DTNA: variants seen among roughly 807,000 people sequenced by gnomAD.
DTNA encodes dystrobrevin alpha.
DTNA carries 43 observed loss-of-function variants against 100.7 expected under a neutral mutation model. The observed-to-expected ratio is 0.43, with a 90% CI of 0.33 to 0.55. The LOEUF is 0.55. Ranked by LOEUF, DTNA falls within the 20% of genes least tolerant of loss-of-function variation. The pLI, the probability that DTNA is intolerant of heterozygous loss-of-function variation, is 0.04. For missense variants in DTNA, 798 were observed against 953.9 expected, an observed-to-expected ratio of 0.84 and a Z score of 2.15; for synonymous variants, 349 against 347.9, an observed-to-expected ratio of 1.00 and a Z score of -0.04.
chr18:34,667,364 C>T (rs1293203135), intron 1 of DTNA, among the ~76,000 whole-genome samples: 13 of 152,210 alleles, frequency 8.5e-5, no homozygotes, highest in East Asian at 5.8e-4. Flanking sequence ...TCATGTCATC[C>T]GCAAACAGCG....
At chr18:34,556,163 G>A (rs533558019) in intron 1 of DTNA, among the ~76,000 whole-genome samples, 2 of 151,588 alleles carry the variant, frequency 1.3e-5, no homozygotes, top group East Asian at 3.9e-4. Flanking sequence ...TTGGTTTAAG[G>A]TCTGTTTTAT....
chr18:34,887,024 A>C (rs745393192), intron 22 of DTNA, among the ~76,000 whole-genome samples: 1 of 152,226 alleles, frequency 6.6e-6, no homozygotes, highest in African/African-American at 2.4e-5. Flanking sequence ...CTGAAGCCAG[A>C]TTCATCAGCT....
At chr18:34,577,877 T>A (rs2048260194) in intron 1 of DTNA, among the ~76,000 whole-genome samples, 1 of 152,160 alleles carries the variant, frequency 6.6e-6, no homozygotes, top group African/African-American at 2.4e-5. Context: ...GCATTTGGAT[T>A]GGTTCCACAT....
At chr18:34,690,365 T>C (rs1228573397) in intron 1 of DTNA, among the ~76,000 whole-genome samples, 1 of 152,174 alleles carries the variant, frequency 6.6e-6, no homozygotes, top group African/African-American at 2.4e-5. Flanking sequence ...AAGTTCCTCA[T>C]GGCTTCCCTT....
intron 1 of DTNA, among the ~76,000 whole-genome samples, chr18:34,561,777 A>G (rs2046657927): frequency 6.6e-6 from 1 of 152,186 alleles, no homozygotes; most frequent in Non-Finnish European, 1.5e-5. Flanking sequence ...AAGGTTATAA[A>G]TGGATGCTAT....
chr18:34,795,453 C>T (rs532071226), intron 4 of DTNA, among the ~76,000 whole-genome samples: 3 of 152,188 alleles, frequency 2.0e-5, no homozygotes, highest in Non-Finnish European at 2.9e-5. Context: ...CACTTCAGAA[C>T]GAGATGTACA....
chr18:34,530,111 G>A (rs2043003325), intron 1 of DTNA, among the ~76,000 whole-genome samples: 1 of 152,132 alleles, frequency 6.6e-6, no homozygotes, highest in South Asian at 2.1e-4. Flanking sequence ...ATGGCATTTT[G>A]TACTCCTGCT....
chr18:34,780,908 T>G (rs1322568312), intron 3 of DTNA, among the ~76,000 whole-genome samples: 1 of 152,238 alleles, frequency 6.6e-6, no homozygotes, highest in Non-Finnish European at 1.5e-5. Context: ...AGGAGAGAGT[T>G]CTAACCTAGC....
chr18:34,516,793 C>T (rs749753860), intron 1 of DTNA, among the ~76,000 whole-genome samples: 22 of 152,150 alleles, frequency 1.4e-4, no homozygotes, highest in African/African-American at 4.6e-4. Flanking sequence ...TTTGGATGCC[C>T]GGATTCCATA....
rs114374394 is a variant in DTNA, at chr18:34,652,711, T to C, written c.-1-103265T>C. On this transcript the variant is annotated intron_variant, in intron 1 of 19. Transcript: ENST00000283365. ...ATCTCTTCTAGTTTTCTTCATTCTC[T>C]GAAGTCCTAATATCCTAAACGTGCC... 4.9e-3 allele frequency among the ~76,000 whole-genome samples: 748 copies of C among 152,334 alleles called. 9 individuals carry two copies. Among genetic ancestry groups the C allele is most frequent in the African/African-American group, 0.017 (715 of 41,582 alleles).
chr18:34,767,481 GT>G (rs1161127659), intron 3 of DTNA: 1 of 152,232 alleles, frequency 6.6e-6, no homozygotes, highest in Non-Finnish European at 1.5e-5. Flanking sequence ...TTCATTTTCT[GT>G]GGCTTATAAC....
At chr18:34,785,358 T>A (rs976851672) in intron 3 of DTNA, among the ~76,000 whole-genome samples, 4 of 152,232 alleles carry the variant, frequency 2.6e-5, no homozygotes, top group Non-Finnish European at 2.9e-5. Flanking sequence ...AATATATTTA[T>A]ACCAGACAGA....
At position 34,697,146 on chromosome 18, in the gene DTNA, G is replaced by A. The variant is rs761606173; in HGVS notation, c.-1-58830G>A. Among the ~76,000 whole-genome samples the A allele has an allele frequency of 9.3e-4, 142 of 152,282 alleles. No homozygotes were observed. In the Middle Eastern group the frequency reaches 0.01, roughly 11 times the overall value. On this transcript the variant is annotated intron_variant, in intron 1 of 19. Coordinates refer to the DTNA transcript ENST00000283365. Reference sequence around the variant, plus strand: ...CAAAGGCTAAAGTAACTCTGTACCAGGTTCAATATGTGGTATTTTTTTGTT... The same window carrying A: ...CAAAGGCTAAAGTAACTCTGTACCAAGTTCAATATGTGGTATTTTTTTGTT...
chr18:34,670,979 G>A (rs556154949), intron 1 of DTNA, among the ~76,000 whole-genome samples: 1 of 152,296 alleles, frequency 6.6e-6, no homozygotes, highest in African/African-American at 2.4e-5. Context: ...GTCTGCAGAG[G>A]TTTCTGCTGC....
chr18:34,825,191 T>G, intron 9 of DTNA: 8 of 1,593,320 alleles, frequency 5.0e-6, no homozygotes, highest in Non-Finnish European at 6.9e-6. Context: ...TGACATTTGT[T>G]CTTAGCTATT....
At chr18:34,689,577 A>G (rs2079434485) in intron 1 of DTNA, among the ~76,000 whole-genome samples, 1 of 152,176 alleles carries the variant, frequency 6.6e-6, no homozygotes, top group African/African-American at 2.4e-5. Flanking sequence ...TGAGGTATCT[A>G]TCGAACCCTG....
At chr18:34,695,300 T>G (rs111318512) in intron 1 of DTNA, among the ~76,000 whole-genome samples, 2,481 of 152,248 alleles carry the variant, frequency 0.016, 39 homozygotes, top group Non-Finnish European at 0.026. Context: ...ATGAAGGTTT[T>G]TCACTAAAAT....
chr18:34,540,667 C>T (rs2730127), intron 1 of DTNA, among the ~76,000 whole-genome samples: 151,948 of 152,152 alleles, frequency 1, 75,875 homozygotes, highest in Non-Finnish European at 1. Flanking sequence ...AAGTAAAGAA[C>T]ATATGGCCCA....
intron 1 of DTNA, among the ~76,000 whole-genome samples, chr18:34,564,907 C>G (rs1329330423): frequency 6.6e-6 from 1 of 152,076 alleles, no homozygotes; most frequent in Non-Finnish European, 1.5e-5. Flanking sequence ...GGAGATTTAC[C>G]AAGCAAAGCT....
Sources: allele counts gnomAD v4.1 joint callset (sites outside exome capture counted in the v4.1 genomes callset), GRCh38; gene constraint gnomAD v4.1.1; transcripts MANE v1.5; gene names NCBI Gene and HGNC (gene_info 2026-07-23, HGNC 2026-07-21).